ERBB4: variants seen among roughly 807,000 people sequenced by gnomAD.
The protein encoded by ERBB4 is receptor tyrosine-protein kinase erbB-4.
A neutral mutation model predicts 158.0 loss-of-function variants in ERBB4; 42 were observed. The ratio of observed to expected loss-of-function variants is 0.27; its 90% CI spans 0.21 to 0.34. The LOEUF (loss-of-function observed/expected upper bound fraction) is 0.34. Among genes scored for constraint, ERBB4 ranks in the 10% least tolerant of loss-of-function variants. The pLI is 1.00. For synonymous variants in ERBB4, 583 were observed against 558.7 expected, an observed-to-expected ratio of 1.04 and a Z score of -0.61; for missense variants, 1,333 against 1,624.1, an observed-to-expected ratio of 0.82 and a Z score of 3.08.
intron 18 of ERBB4, among the ~76,000 whole-genome samples, chr2:211,623,187 T>A (rs2069702013): frequency 6.6e-6 from 1 of 151,066 alleles, no homozygotes; most frequent in Admixed American, 6.6e-5. Context: ...GCCTCTGAAT[T>A]GGTCCTGTAA....
At chr2:212,367,442 A>G (rs1574780618) in intron 1 of ERBB4, among the ~76,000 whole-genome samples, 1 of 152,218 alleles carries the variant, frequency 6.6e-6, no homozygotes, top group East Asian at 1.9e-4. Context: ...TCAACTCAAG[A>G]TGGATGAAGG....
rs1251028103 is a variant in ERBB4, at chr2:211,611,272, C to T, written c.2301+7905G>A. Among the ~76,000 whole-genome samples, 146 of 151,926 alleles carry T rather than the reference C, an allele frequency of 9.6e-4. 2 individuals carry two copies. The highest frequency in any genetic ancestry group is 1.2e-4 in the Non-Finnish European group (8 of 68,008). On this transcript the variant is annotated intron_variant, in intron 19 of 27. Transcript: ENST00000342788. ...GATGTTTTTAACCAATCGGGCCCGC[C>T]AACCCACAAGCAGATAGAAAATAAG...
chr2:211,721,874 T>C (rs1478144509), intron 7 of ERBB4, among the ~76,000 whole-genome samples: 1 of 152,126 alleles, frequency 6.6e-6, no homozygotes, highest in Non-Finnish European at 1.5e-5. Context: ...TTTGTTTGTC[T>C]GTTTTTGAGA....
chr2:212,274,167 A>C (rs2085444036), intron 1 of ERBB4, among the ~76,000 whole-genome samples: 1 of 151,864 alleles, frequency 6.6e-6, no homozygotes. Flanking sequence ...TTATCTCTTT[A>C]CAAGATGAAT....
chr2:211,946,576 C>CTTTTT (rs56007115), intron 3 of ERBB4, among the ~76,000 whole-genome samples: 608 of 49,612 alleles, frequency 0.012, 92 homozygotes, highest in East Asian at 0.036. Flanking sequence ...AATTAGCTCT[C>CTTTTT]TTTTTTTTTT....
At chr2:212,410,454 T>A (rs1220605292) in intron 1 of ERBB4, among the ~76,000 whole-genome samples, 2 of 152,014 alleles carry the variant, frequency 1.3e-5, no homozygotes. Flanking sequence ...TTTCAGGAAA[T>A]CATACGTTTT....
intron 3 of ERBB4, among the ~76,000 whole-genome samples, chr2:211,927,637 C>T (rs2080052996): frequency 1.3e-5 from 2 of 152,030 alleles, no homozygotes; most frequent in Admixed American, 1.3e-4. Context: ...ATGCTTTAAA[C>T]TTTGGGAAAC....
chr2:211,520,462 C>A (rs1013605015), intron 20 of ERBB4, among the ~76,000 whole-genome samples: 1 of 151,952 alleles, frequency 6.6e-6, no homozygotes, highest in South Asian at 2.1e-4. Context: ...TCTGTACTGC[C>A]TGCAAACTAA....
chr2:211,675,283 C>A (rs1446262595), intron 13 of ERBB4, among the ~76,000 whole-genome samples: 2 of 152,076 alleles, frequency 1.3e-5, no homozygotes, highest in Non-Finnish European at 2.9e-5. Flanking sequence ...CTTAGCAAGT[C>A]CTGTGATCAA....
chr2:212,292,296 C>G (rs900848179), intron 1 of ERBB4, among the ~76,000 whole-genome samples: 3 of 151,842 alleles, frequency 2.0e-5, no homozygotes, highest in Non-Finnish European at 4.4e-5. Flanking sequence ...CTTTCCTAAC[C>G]TTTTCATCTT....
intron 19 of ERBB4, among the ~76,000 whole-genome samples, chr2:211,588,378 G>A (rs184967047): frequency 1.1e-4 from 17 of 151,950 alleles, no homozygotes; most frequent in East Asian, 7.7e-4. Context: ...AAAGTAATAC[G>A]AGCAAACATA....
At chr2:211,483,380 T>C (rs2065130890) in intron 20 of ERBB4, among the ~76,000 whole-genome samples, 1 of 152,048 alleles carries the variant, frequency 6.6e-6, no homozygotes, top group Non-Finnish European at 1.5e-5. Context: ...AAAAGAAATA[T>C]GAATTAAACT....
chr2:211,444,085 T>A (rs932085604), intron 20 of ERBB4, among the ~76,000 whole-genome samples: 1 of 152,072 alleles, frequency 6.6e-6, no homozygotes, highest in Non-Finnish European at 1.5e-5. Flanking sequence ...TCAGCACCCT[T>A]ACCATCGTTA....
At chr2:211,398,747 C>T (rs2062973213) in intron 25 of ERBB4, among the ~76,000 whole-genome samples, 1 of 152,204 alleles carries the variant, frequency 6.6e-6, no homozygotes, top group Non-Finnish European at 1.5e-5. Flanking sequence ...AGGAGAATTG[C>T]TTGAACCCAA....
chr2:211,513,586 A>G (rs568842292), intron 20 of ERBB4, among the ~76,000 whole-genome samples: 1 of 152,228 alleles, frequency 6.6e-6, no homozygotes, highest in African/African-American at 2.4e-5. Flanking sequence ...AAGGTGTAAT[A>G]GCATTAAGCT....
chr2:212,028,090 T>A (rs2076816407), intron 2 of ERBB4, among the ~76,000 whole-genome samples: 1 of 152,092 alleles, frequency 6.6e-6, no homozygotes, highest in African/African-American at 2.4e-5. Context: ...CTGGAATTTG[T>A]GAATGCCAAC....
intron 20 of ERBB4, among the ~76,000 whole-genome samples, chr2:211,465,165 C>A (rs2064647369): frequency 6.6e-6 from 1 of 151,718 alleles, no homozygotes; most frequent in Non-Finnish European, 1.5e-5. Context: ...TTCTTGAAAG[C>A]CAGTTCCGTG....
intron 1 of ERBB4, among the ~76,000 whole-genome samples, chr2:212,152,285 T>C (rs912633805): frequency 6.6e-6 from 1 of 152,160 alleles, no homozygotes; most frequent in Non-Finnish European, 1.5e-5. Flanking sequence ...AAGGGAGTTA[T>C]TAATAATGCC....
chr2:212,029,747 C>G (rs900324763), intron 2 of ERBB4, among the ~76,000 whole-genome samples: 1 of 152,102 alleles, frequency 6.6e-6, no homozygotes, highest in Non-Finnish European at 1.5e-5. Context: ...ATTCATACTT[C>G]TCAGGTTTCA....
Sources: allele counts gnomAD v4.1 joint callset (sites outside exome capture counted in the v4.1 genomes callset), GRCh38; gene constraint gnomAD v4.1.1; transcripts MANE v1.5; gene names NCBI Gene and HGNC (gene_info 2026-07-23, HGNC 2026-07-21).